The following NLGN1 variants were observed in gnomAD, a reference collection of about 807,000 sequenced individuals.
NLGN1 encodes the protein neuroligin-1.
A neutral mutation model predicts 65.5 loss-of-function variants in NLGN1; 12 were observed. The observed-to-expected ratio is 0.18, with a 90% confidence interval of 0.12 to 0.30. NLGN1 has a LOEUF of 0.30. Ranked by LOEUF, NLGN1 falls within the 10% of genes least tolerant of loss-of-function variation. NLGN1 has a pLI of 1.00. For synonymous variants in NLGN1, 350 were observed against 359.5 expected (o/e 0.97, Z 0.30); for missense variants, 750 against 1,007.1 (o/e 0.74, Z 3.46).
chr3:173,954,947 A>C (rs966806064), intron 4 of NLGN1, among the ~76,000 whole-genome samples: 1 of 152,012 alleles, frequency 6.6e-6, no homozygotes, highest in Non-Finnish European at 1.5e-5. Flanking sequence ...TAGAGAGGGA[A>C]TTGGCAATTT....
chr3:173,654,229 CTCT>C (rs1312391109), intron 3 of NLGN1, among the ~76,000 whole-genome samples: 1 of 152,062 alleles, frequency 6.6e-6, no homozygotes, highest in Non-Finnish European at 1.5e-5. Flanking sequence ...TCATCAAATA[CTCT>C]TTATACCTTC....
At chr3:173,720,442 A>G (rs1475914022) in intron 3 of NLGN1, among the ~76,000 whole-genome samples, 1 of 152,224 alleles carries the variant, frequency 6.6e-6, no homozygotes, top group Non-Finnish European at 1.5e-5. Flanking sequence ...AGTTTAACCA[A>G]TAGAACCTTA....
chr3:173,644,076 T>G (rs1757840961), intron 3 of NLGN1, among the ~76,000 whole-genome samples: 1 of 152,144 alleles, frequency 6.6e-6, no homozygotes, highest in Non-Finnish European at 1.5e-5. Flanking sequence ...GGGACACTCT[T>G]GGACAGTGAT....
chr3:173,927,718 C>T (rs1401222537), intron 4 of NLGN1, among the ~76,000 whole-genome samples: 3 of 151,428 alleles, frequency 2.0e-5, no homozygotes, highest in African/African-American at 7.3e-5. Context: ...AACTGCCGCT[C>T]CAGAAAACAC....
At chr3:174,224,764 A>G (rs749787284) in intron 4 of NLGN1, among the ~76,000 whole-genome samples, 2 of 152,140 alleles carry the variant, frequency 1.3e-5, no homozygotes, top group Admixed American at 6.5e-5. Context: ...TAGGAGGTGC[A>G]TCAAGCTAAC....
intron 1 of NLGN1, among the ~76,000 whole-genome samples, chr3:173,408,144 T>C (rs1170201442): frequency 6.6e-6 from 1 of 152,026 alleles, no homozygotes; most frequent in East Asian, 1.9e-4. Flanking sequence ...TGCCTACATA[T>C]GGTTCTCTAG....
chr3:173,437,496 T>G (rs1408226995), intron 2 of NLGN1, among the ~76,000 whole-genome samples: 1 of 152,190 alleles, frequency 6.6e-6, no homozygotes, highest in Non-Finnish European at 1.5e-5. Context: ...AGCCCCTTGC[T>G]CCTCCTGCTT....
At chr3:173,948,961 T>C (rs933398889) in intron 4 of NLGN1, among the ~76,000 whole-genome samples, 32 of 152,072 alleles carry the variant, frequency 2.1e-4, no homozygotes, top group Non-Finnish European at 3.5e-4. Context: ...TTAGTAAATT[T>C]AAAAAAATAA....
intron 3 of NLGN1, among the ~76,000 whole-genome samples, chr3:173,683,852 C>A (rs1409871468): frequency 3.3e-5 from 5 of 152,076 alleles, no homozygotes; most frequent in Admixed American, 1.3e-4. Flanking sequence ...TGCATATTGT[C>A]ACCATTTTGC....
chr3:174,289,901 A>ATATATGTATGTATATATATGTG (rs1447898059), downstream of NLGN1, among the ~76,000 whole-genome samples: 2,338 of 145,636 alleles, frequency 0.016, 25 homozygotes, highest in Admixed American at 0.024. Context: ...GGCACTTTAT[A>ATATATGTATGTATATATATGTG]TATATATATG....
chr3:173,667,801 T>G (rs770998836), intron 3 of NLGN1, among the ~76,000 whole-genome samples: 4 of 152,082 alleles, frequency 2.6e-5, no homozygotes, highest in Non-Finnish European at 4.4e-5. Context: ...GGCTCACTTT[T>G]GTATGTTTTT....
At chr3:173,492,451 G>T (rs879314978) in intron 2 of NLGN1, among the ~76,000 whole-genome samples, 1 of 151,612 alleles carries the variant, frequency 6.6e-6, no homozygotes, top group Non-Finnish European at 1.5e-5. Flanking sequence ...TTTCTTATGG[G>T]TCAATCAAGC....
At chr3:173,823,659 G>C (rs1191202572) in intron 4 of NLGN1, among the ~76,000 whole-genome samples, 2 of 151,916 alleles carry the variant, frequency 1.3e-5, no homozygotes, top group Non-Finnish European at 2.9e-5. Context: ...AGTAACATGA[G>C]CCACATTTCA....
At chr3:174,035,217 A>T (rs1730875765) in intron 4 of NLGN1, among the ~76,000 whole-genome samples, 2 of 152,342 alleles carry the variant, frequency 1.3e-5, no homozygotes, top group South Asian at 4.1e-4. Context: ...GAATAATGTC[A>T]TTATGAATTA....
intron 4 of NLGN1, among the ~76,000 whole-genome samples, chr3:173,938,491 T>G (rs1039652674): frequency 1.3e-5 from 2 of 152,152 alleles, no homozygotes; most frequent in Non-Finnish European, 2.9e-5. Context: ...TAAATGTATA[T>G]TTGTTGTATT....
rs568571197 is a variant in NLGN1, at chr3:173,978,702, C to T, written c.646+170870C>T. ...ACCTTTGTCAAATATTCCTGAGAAT[C>T]GAGTAAAATGAGGCCGGGCATGGTG... On this transcript the variant is annotated intron_variant, in intron 4 of 6. Transcript: ENST00000457714. Among the ~76,000 whole-genome samples, 4 of 151,494 alleles carry T rather than the reference C, an allele frequency of 2.6e-5. No individual in the cohort carries two copies. The South Asian group carries it at 8.4e-4, about 32-fold the overall frequency.
intron 1 of NLGN1, among the ~76,000 whole-genome samples, chr3:173,402,607 T>C (rs1717898713): frequency 6.6e-6 from 1 of 152,140 alleles, no homozygotes; most frequent in South Asian, 2.1e-4. Flanking sequence ...ACTGTAAATC[T>C]CTTGAGTCTT....
chr3:174,006,167 G>A (rs1448906675), intron 4 of NLGN1, among the ~76,000 whole-genome samples: 1 of 152,084 alleles, frequency 6.6e-6, no homozygotes, highest in Admixed American at 6.6e-5. Flanking sequence ...ATTACTGACT[G>A]TAAAAACTCC....
At chr3:174,181,577 C>T (rs1730425754) in intron 4 of NLGN1, among the ~76,000 whole-genome samples, 1 of 151,994 alleles carries the variant, frequency 6.6e-6, no homozygotes, top group African/African-American at 2.4e-5. Flanking sequence ...TGCAGAAGAC[C>T]CTGATTCAAT....
Sources: allele counts gnomAD v4.1 joint callset (sites outside exome capture counted in the v4.1 genomes callset), GRCh38; gene constraint gnomAD v4.1.1; transcripts MANE v1.5; gene names NCBI Gene and HGNC (gene_info 2026-07-23, HGNC 2026-07-21).